Variants in SHANK2 observed in about 807,000 individuals in gnomAD.
SHANK2 encodes SH3 and multiple ankyrin repeat domains 2.
SHANK2 carries 43 observed loss-of-function variants against 133.7 expected under a neutral mutation model. The ratio of observed to expected loss-of-function variants is 0.32; its 90% confidence interval spans 0.25 to 0.41. SHANK2 has a LOEUF of 0.41. Ranked by LOEUF, SHANK2 falls within the 10% of genes least tolerant of loss-of-function variation. The pLI is 1.00. For synonymous variants in SHANK2, 1,017 were observed against 952.8 expected (o/e 1.07, Z -1.24); for missense variants, 1,994 against 2,235.8 (o/e 0.89, Z 2.18).
At chr11:70,746,425 C>A (rs546777254) in intron 14 of SHANK2, among the ~76,000 whole-genome samples, 6 of 145,242 alleles carry the variant, frequency 4.1e-5, no homozygotes, top group African/African-American at 1.3e-4. Context: ...TGCTCACAGC[C>A]CCCATCTCCT....
chr11:70,528,753 G>T (rs1305985019), intron 17 of SHANK2, among the ~76,000 whole-genome samples: 1 of 151,906 alleles, frequency 6.6e-6, no homozygotes, highest in Non-Finnish European at 1.5e-5. Flanking sequence ...GCATCCGTGG[G>T]GGAGATCACC....
intron 22 of SHANK2, 45 bp downstream of exon 22, chr11:70,492,290 C>T (rs782423333): frequency 2.5e-6 from 4 of 1,602,310 alleles, no homozygotes; most frequent in Non-Finnish European, 2.5e-6. Context: ...ACTTCCTGGG[C>T]ACCGTCGGCC....
At chr11:71,226,738 G>T (rs1954650394) in intron 1 of SHANK2, 1 of 152,020 alleles carries the variant, frequency 6.6e-6, no homozygotes, top group African/African-American at 2.4e-5. Context: ...GCCACTGGCA[G>T]ACCTATTCTA....
chr11:70,703,793 C>T (rs1164707154), intron 14 of SHANK2, among the ~76,000 whole-genome samples: 2 of 152,236 alleles, frequency 1.3e-5, no homozygotes, highest in Non-Finnish European at 2.9e-5. Context: ...ACCACACCTT[C>T]AGCCGCGCAT....
At chr11:70,773,090 C>T (rs965467319) in intron 14 of SHANK2, among the ~76,000 whole-genome samples, 1 of 152,152 alleles carries the variant, frequency 6.6e-6, no homozygotes, top group Admixed American at 6.5e-5. Flanking sequence ...CTTATCTTTA[C>T]TGAGCTGCCA....
At chr11:71,092,955 T>C (rs1375703387) in intron 7 of SHANK2, among the ~76,000 whole-genome samples, 1 of 149,262 alleles carries the variant, frequency 6.7e-6, no homozygotes, top group Admixed American at 6.9e-5. Flanking sequence ...GACAGGAGAA[T>C]TGCTTGAACC....
rs189494272 is a variant in SHANK2 at position 70,572,359 on chromosome 11, C to T, written c.2062-69428G>A. 7.4e-4 allele frequency among the ~76,000 whole-genome samples: 112 copies of T among 152,296 alleles called. 1 individual carries two copies. The highest frequency in any genetic ancestry group is 2.6e-3 in the African/African-American group (110 of 41,574). ...ATTTTTAGTAGAGATGGGGTTTTGC[C>T]ATGTTGGCCAGGCTGGTCTTGAACT... On this transcript the variant is annotated intron_variant, in intron 17 of 25. Transcript: ENST00000601538.
Position 70,932,453 on chromosome 11 carries a change from T to C in SHANK2, c.1108-35886A>G, listed in dbSNP as rs528042430. Among the ~76,000 whole-genome samples the C allele has an allele frequency of 3.3e-5, 5 of 152,352 alleles. No homozygotes were observed. In the East Asian group the frequency reaches 9.6e-4, roughly 29 times the overall value. On this transcript the variant is annotated intron_variant, in intron 10 of 25. Transcript: ENST00000601538. ...GGCCCCGCTAAGGGAAGCAGATGCATGGAAACTGTCCAGACCAGAGGCAGA... is the reference window on the plus strand; with the variant it reads ...GGCCCCGCTAAGGGAAGCAGATGCACGGAAACTGTCCAGACCAGAGGCAGA...
chr11:71,218,407 G>C (rs558096772), intron 2 of SHANK2, among the ~76,000 whole-genome samples: 1 of 151,838 alleles, frequency 6.6e-6, no homozygotes. Context: ...GGGACTACAG[G>C]TATGTGCCAC....
intron 2 of SHANK2, among the ~76,000 whole-genome samples, chr11:71,202,531 C>A (rs967665407): frequency 7.2e-5 from 11 of 152,212 alleles, no homozygotes; most frequent in Admixed American, 5.9e-4. Flanking sequence ...ACATCATACC[C>A]ACATCTCAGG....
intron 11 of SHANK2, among the ~76,000 whole-genome samples, chr11:70,884,252 A>G (rs1016713511): frequency 6.6e-6 from 1 of 152,180 alleles, no homozygotes; most frequent in African/African-American, 2.4e-5. Flanking sequence ...CGTGGTGGGC[A>G]GGGGCCAGAC....
intron 8 of SHANK2, among the ~76,000 whole-genome samples, chr11:71,075,660 C>T (rs934662267): frequency 7.9e-5 from 12 of 152,296 alleles, no homozygotes; most frequent in East Asian, 3.9e-4. Flanking sequence ...GGCTCAGACC[C>T]GGCTTCAGTT....
At position 70,486,289 on chromosome 11, in the gene SHANK2, G is replaced by T. The variant is rs2058803870; in HGVS notation, c.4004C>A (p.Ala1335Glu). 26 of 1,613,844 alleles carry T rather than the reference G, an allele frequency of 1.6e-5. No homozygotes were observed. The highest frequency in any genetic ancestry group is 2.1e-5 in the Non-Finnish European group (25 of 1,180,040). The change falls in exon 25 of 26, where the codon GCA (alanine) becomes GAA (glutamate). Residue 1335 changes from alanine to glutamate, a missense_variant. Physicochemically the swap from Ala to Glu is moderately radical, Grantham distance 107 (BLOSUM62 -1). Coordinates refer to ENST00000601538, the MANE Select transcript of SHANK2 (RefSeq NM_012309.5). The surrounding 1 kb of genome is among the most constrained non-coding windows in gnomAD (Gnocchi z 8.0). ...GCTGTCTGGCTTCATCTCCACCTCT[G>T]CCTTCTCGTCCTCTTCCTGCAGGGC... ...DNALQEEDEKAEVEMKPDSSP... is the reference protein window; with the variant it reads ...DNALQEEDEKEEVEMKPDSSP...
chr11:71,117,772 C>T (rs1471631750), intron 4 of SHANK2, among the ~76,000 whole-genome samples: 8 of 152,220 alleles, frequency 5.3e-5, no homozygotes, highest in African/African-American at 1.9e-4. Flanking sequence ...TCGCCTAGTG[C>T]ACCTCTTCAT....
rs1555148438 is a variant in SHANK2, at chr11:70,471,262, A to AG, written c.*1606dup. On this transcript the variant is annotated 3_prime_UTR_variant, in exon 26 of 26. Coordinates refer to ENST00000601538, the MANE Select transcript of SHANK2 (RefSeq NM_012309.5). The surrounding 1 kb of genome is among the most constrained non-coding windows in gnomAD (Gnocchi z 4.1). ...TGTTCCAGACCTAATCAAGAAAAAA[A>AG]GGAAAAAAAAAAAACAAAACCATGT... 1 of 398,248 alleles carries AG rather than the reference A, an allele frequency of 2.5e-6. No homozygotes were observed. The highest frequency in any genetic ancestry group is 4.4e-6 in the Non-Finnish European group (1 of 225,848). The allele number at this position is 398,248 out of a possible 1,614,324, so 24.7% of individuals were successfully genotyped here.
intron 11 of SHANK2, among the ~76,000 whole-genome samples, chr11:70,834,167 T>G (rs1948771167): frequency 6.6e-6 from 1 of 152,228 alleles, no homozygotes. Flanking sequence ...CTCCACCCCA[T>G]ATTTCAGGGG....
At chr11:70,753,072 C>T (rs1442174107) in intron 14 of SHANK2, among the ~76,000 whole-genome samples, 1 of 151,858 alleles carries the variant, frequency 6.6e-6, no homozygotes, top group Non-Finnish European at 1.5e-5. Context: ...AAGATCATGC[C>T]ACTGCACTCC....
At chr11:70,840,070 C>G (rs1350693096) in intron 11 of SHANK2, among the ~76,000 whole-genome samples, 1 of 152,208 alleles carries the variant, frequency 6.6e-6, no homozygotes, top group African/African-American at 2.4e-5. Context: ...GTGGGGCCCA[C>G]CAGCTGACTC....
intron 14 of SHANK2, among the ~76,000 whole-genome samples, chr11:70,707,672 C>T (rs373168222): frequency 6.6e-6 from 1 of 152,188 alleles, no homozygotes; most frequent in Non-Finnish European, 1.5e-5. Context: ...GTTTACAGGG[C>T]TGCACTGAGG....
Sources: allele counts gnomAD v4.1 joint callset (sites outside exome capture counted in the v4.1 genomes callset), GRCh38; gene constraint gnomAD v4.1.1; non-coding constraint Gnocchi (gnomAD v3.1); transcripts MANE v1.5; gene names NCBI Gene and HGNC (gene_info 2026-07-23, HGNC 2026-07-21).